TLN2: variants seen among roughly 807,000 people sequenced by gnomAD.
TLN2 encodes talin-2.
In TLN2, 118 loss-of-function variants were observed where a neutral mutation model predicts 294.7. The ratio of observed to expected loss-of-function variants is 0.40; its 90% CI spans 0.34 to 0.47. The LOEUF (loss-of-function observed/expected upper bound fraction) is 0.47. TLN2 is among the 20% of genes least tolerant of loss of function. The pLI, the probability that TLN2 is intolerant of heterozygous loss-of-function variation, is 0.84. For synonymous variants in TLN2, 1,431 were observed against 1,304.5 expected (o/e 1.10, Z -2.09); for missense variants, 3,083 against 3,282.2 (o/e 0.94, Z 1.48).
chr15:62,718,344 C>G (rs2059914891), intron 24 of TLN2, among the ~76,000 whole-genome samples: 1 of 152,222 alleles, frequency 6.6e-6, no homozygotes, highest in Non-Finnish European at 1.5e-5. Flanking sequence ...GGTGGCACAT[C>G]TGGCTGGCAT....
At chr15:62,438,225 CAG>C (rs962792502) in intron 1 of TLN2, among the ~76,000 whole-genome samples, 19 of 152,322 alleles carry the variant, frequency 1.2e-4, no homozygotes, top group African/African-American at 3.8e-4. Context: ...TAAGGGAAAA[CAG>C]GGGCACTGGG....
At chr15:62,483,355 T>A (rs1435279921) in intron 1 of TLN2, among the ~76,000 whole-genome samples, 1 of 152,216 alleles carries the variant, frequency 6.6e-6, no homozygotes, top group African/African-American at 2.4e-5. Flanking sequence ...TCCTTCTGTG[T>A]TGTAGTCAGC....
intron 57 of TLN2, 91 bp from the exon 58 acceptor site, chr15:62,838,765 A>G: frequency 1.3e-6 from 2 of 1,507,524 alleles, no homozygotes; most frequent in Non-Finnish European, 1.8e-6. Context: ...CAATTGACTC[A>G]TGGTCTCACA....
At chr15:62,783,070 A>G (rs2064321218) in intron 44 of TLN2, among the ~76,000 whole-genome samples, 1 of 152,214 alleles carries the variant, frequency 6.6e-6, no homozygotes, top group Admixed American at 6.5e-5. Flanking sequence ...ACAGAGAAAA[A>G]TCCTGAGTAT....
chr15:62,410,287 G>A (rs561045241), intron 1 of TLN2, among the ~76,000 whole-genome samples: 96 of 152,002 alleles, frequency 6.3e-4, no homozygotes, highest in Non-Finnish European at 1.2e-3. Flanking sequence ...TTAATTTTGT[G>A]TCTTTGGGTC....
chr15:62,462,161 G>A (rs1343117121), intron 1 of TLN2, among the ~76,000 whole-genome samples: 1 of 152,254 alleles, frequency 6.6e-6, no homozygotes, highest in Non-Finnish European at 1.5e-5. Flanking sequence ...TTGAACCCGG[G>A]AGGCGGAGGT....
chr15:62,623,446 C>T (rs1035462532), intron 3 of TLN2, among the ~76,000 whole-genome samples: 2 of 152,208 alleles, frequency 1.3e-5, no homozygotes, highest in Non-Finnish European at 2.9e-5. Flanking sequence ...AACCAACTTA[C>T]ATTCATGAGC....
At chr15:62,783,223 A>G (rs1368258217) in intron 44 of TLN2, among the ~76,000 whole-genome samples, 1 of 152,200 alleles carries the variant, frequency 6.6e-6, no homozygotes, top group Non-Finnish European at 1.5e-5. Context: ...ACACTGACTT[A>G]TCCAGCACTT....
intron 1 of TLN2, among the ~76,000 whole-genome samples, chr15:62,494,412 G>T (rs1400811241): frequency 6.6e-6 from 1 of 152,030 alleles, no homozygotes; most frequent in Non-Finnish European, 1.5e-5. Context: ...TTCTCCTCCA[G>T]GCAGATATCT....
chr15:62,730,318 G>C (rs2060653176), intron 28 of TLN2, among the ~76,000 whole-genome samples: 1 of 152,102 alleles, frequency 6.6e-6, no homozygotes, highest in Admixed American at 6.5e-5. Context: ...GGGATTACAG[G>C]TGTGAGCCAC....
chr15:62,644,802 T>C (rs947555317), intron 3 of TLN2: 1 of 344,030 alleles, frequency 2.9e-6, no homozygotes, highest in South Asian at 2.3e-5. Context: ...GTCCATGTCA[T>C]GGCTCTCTCT....
chr15:62,794,022 TGCCTTC>T (rs2065273008), intron 46 of TLN2, among the ~76,000 whole-genome samples: 1 of 151,986 alleles, frequency 6.6e-6, no homozygotes, highest in South Asian at 2.1e-4. Flanking sequence ...GGAAGGCATT[TGCCTTC>T]CTTTCAAAGC....
At chr15:62,567,521 C>T (rs1300321580) in intron 1 of TLN2, among the ~76,000 whole-genome samples, 1 of 152,160 alleles carries the variant, frequency 6.6e-6, no homozygotes, top group African/African-American at 2.4e-5. Context: ...TCCCCCAAGG[C>T]GATGGCATTG....
intron 3 of TLN2, chr15:62,640,168 G>A: frequency 2.2e-6 from 1 of 455,816 alleles, no homozygotes; most frequent in Non-Finnish European, 4.4e-6. Flanking sequence ...ACCTGCAGAG[G>A]AGCTACTTCT....
intron 1 of TLN2, among the ~76,000 whole-genome samples, chr15:62,403,733 T>C (rs2033193796): frequency 6.6e-6 from 1 of 152,236 alleles, no homozygotes; most frequent in African/African-American, 2.4e-5. Flanking sequence ...TTGCTGGATG[T>C]TTCTTCCTGG....
At chr15:62,792,579 G>A in intron 45 of TLN2, 62 bp from the exon 46 acceptor site, 3 of 1,579,374 alleles carry the variant, frequency 1.9e-6, no homozygotes, top group Non-Finnish European at 2.6e-6. Flanking sequence ...TCCACGTAGG[G>A]AAGGCCTCGA....
rs533311455 is a variant in TLN2, at chr15:62,484,729, C to T, written c.-238+94044C>T. Among the ~76,000 whole-genome samples the T allele has an allele frequency of 3.9e-5, 6 of 152,220 alleles. No homozygotes were observed. The South Asian group carries it at 8.3e-4, about 21-fold the overall frequency. ...CGTGAGCCACCACGCCTGGCTGGAC[C>T]GAGGTTTTTCTGCTGGTGCCTCAAG... is the stretch of plus-strand genomic sequence containing the variant. On this transcript the variant is annotated intron_variant, in intron 1 of 58. Coordinates refer to ENST00000636159, the MANE Select transcript of TLN2 (RefSeq NM_015059.3).
intron 3 of TLN2, among the ~76,000 whole-genome samples, chr15:62,635,867 C>A (rs898890511): frequency 8.5e-5 from 13 of 152,290 alleles, no homozygotes; most frequent in African/African-American, 2.6e-4. Flanking sequence ...ATCCCTGACA[C>A]AAGCACTGTA....
intron 1 of TLN2, among the ~76,000 whole-genome samples, chr15:62,550,308 A>G (rs1171498562): frequency 3.9e-5 from 6 of 152,198 alleles, no homozygotes; most frequent in African/African-American, 1.4e-4. Flanking sequence ...ACAGGGGGGA[A>G]AATACCTCTC....
Sources: gnomAD v4.1 joint callset for allele counts (sites outside exome capture counted in the v4.1 genomes callset) on GRCh38, gnomAD v4.1.1 for gene constraint, MANE v1.5 for transcripts, NCBI Gene and HGNC (gene_info 2026-07-23, HGNC 2026-07-21) for gene names.